NRG1: variants seen among roughly 807,000 people sequenced by gnomAD.
NRG1 encodes neuregulin 1.
A neutral mutation model predicts 63.8 loss-of-function variants in NRG1; 18 were observed. The ratio of observed to expected loss-of-function variants is 0.28; its 90% CI spans 0.19 to 0.42. NRG1 has a LOEUF of 0.42. Ranked by LOEUF, NRG1 falls within the 10% of genes least tolerant of loss-of-function variation. The pLI is 1.00. For missense variants in NRG1, 762 were observed against 814.7 expected (o/e 0.94, Z 0.79); for synonymous variants, 302 against 301.3 (o/e 1.00, Z -0.02).
chr8:31,675,178 A>G (rs941309613), intron 1 of NRG1, among the ~76,000 whole-genome samples: 4 of 152,206 alleles, frequency 2.6e-5, no homozygotes, highest in African/African-American at 7.2e-5. Context: ...CCCCATCTCT[A>G]TTAAAAATAC....
chr8:32,409,590 G>A (rs1175865471), intron 1 of NRG1, among the ~76,000 whole-genome samples: 1 of 152,146 alleles, frequency 6.6e-6, no homozygotes, highest in Non-Finnish European at 1.5e-5. Flanking sequence ...CCAACACCCA[G>A]GATTCCAGTG....
chr8:32,039,525 G>C (rs938480702), intron 1 of NRG1, among the ~76,000 whole-genome samples: 1 of 152,194 alleles, frequency 6.6e-6, no homozygotes, highest in Non-Finnish European at 1.5e-5. Context: ...TATAGTAAAT[G>C]TGAATGTTTA....
chr8:32,356,838 G>C (rs969677990), intron 1 of NRG1, among the ~76,000 whole-genome samples: 6 of 151,858 alleles, frequency 4.0e-5, no homozygotes, highest in Non-Finnish European at 7.4e-5. Flanking sequence ...AAAATGAAGA[G>C]ACTAAAACCT....
intron 1 of NRG1, among the ~76,000 whole-genome samples, chr8:32,324,086 A>C (rs2129477014): frequency 7.5e-6 from 1 of 133,664 alleles, no homozygotes; most frequent in East Asian, 2.6e-4. Context: ...TTTTCATCAA[A>C]GCCCTCAAAA....
intron 1 of NRG1, among the ~76,000 whole-genome samples, chr8:32,465,373 TCTC>T (rs1202439827): frequency 6.6e-6 from 1 of 152,142 alleles, no homozygotes; most frequent in Non-Finnish European, 1.5e-5. Context: ...AGGAACAGGG[TCTC>T]CTGCTGTGTC....
At chr8:31,694,350 T>A (rs1298222335) in intron 1 of NRG1, among the ~76,000 whole-genome samples, 5 of 152,330 alleles carry the variant, frequency 3.3e-5, no homozygotes, top group African/African-American at 1.2e-4. Flanking sequence ...CCCTTCTCTG[T>A]GTCTAGAGAA....
chr8:31,739,458 GC>G lies in NRG1; in HGVS notation c.37+100028del, dbSNP rs573609393. ...AGGTTATTTTGCTAAGTGGTTCCGA[GC>G]TAATTTTATTACTTTTTTGATGGTA... On this transcript the variant is annotated intron_variant, in intron 1 of 10. Coordinates refer to the NRG1 transcript ENST00000519301. Among the ~76,000 whole-genome samples, 189 of 152,142 alleles carry G rather than the reference GC, an allele frequency of 1.2e-3. No homozygotes were observed. The Middle Eastern group carries it at 0.014, about 11-fold the overall frequency.
At chr8:32,590,487 T>A (rs184789815) in intron 1 of NRG1, among the ~76,000 whole-genome samples, 3 of 152,334 alleles carry the variant, frequency 2.0e-5, no homozygotes, top group Admixed American at 2.0e-4. Context: ...AACTAATTTT[T>A]AATTAACAGA....
intron 1 of NRG1, among the ~76,000 whole-genome samples, chr8:32,122,440 C>T (rs1833567436): frequency 6.6e-6 from 1 of 151,860 alleles, no homozygotes; most frequent in African/African-American, 2.4e-5. Context: ...TATAGTCTCC[C>T]CAATATATTC....
chr8:32,412,423 CATATATAT>C (rs1178545836), intron 1 of NRG1, among the ~76,000 whole-genome samples: 36 of 93,000 alleles, frequency 3.9e-4, no homozygotes, highest in South Asian at 7.3e-4. Flanking sequence ...TCTCTCTCTA[CATATATAT>C]ATATATATAT....
intron 1 of NRG1, among the ~76,000 whole-genome samples, chr8:31,750,183 A>G (rs192375325): frequency 6.6e-6 from 1 of 151,882 alleles, no homozygotes; most frequent in Non-Finnish European, 1.5e-5. Flanking sequence ...AGAAAAAAGA[A>G]TGTAATTCGT....
At chr8:32,286,126 G>A (rs138908539) in intron 1 of NRG1, among the ~76,000 whole-genome samples, 67 of 152,274 alleles carry the variant, frequency 4.4e-4, no homozygotes, top group African/African-American at 1.6e-3. Context: ...AGTAAACAAG[G>A]CGCCTCTACC....
intron 1 of NRG1, among the ~76,000 whole-genome samples, chr8:31,879,810 T>C (rs988022594): frequency 3.3e-5 from 5 of 152,178 alleles, no homozygotes; most frequent in African/African-American, 1.2e-4. Flanking sequence ...ACATGCAGTA[T>C]TTGGTTTTCT....
At chr8:31,961,244 T>A (rs1406197127) in intron 1 of NRG1, among the ~76,000 whole-genome samples, 1 of 152,210 alleles carries the variant, frequency 6.6e-6, no homozygotes, top group East Asian at 1.9e-4. Context: ...TGTTCCTTTT[T>A]GAAGGGTTCA....
At position 32,677,846 on chromosome 8, in the gene NRG1, A is replaced by G. The variant is rs142760947; in HGVS notation, c.503-50103A>G. ...TGCCATACCCCCACAAATCGCACTTATAAAGTCAAGAGTAAGCACATTTCT... is the reference window on the plus strand; with the variant it reads ...TGCCATACCCCCACAAATCGCACTTGTAAAGTCAAGAGTAAGCACATTTCT... On this transcript the variant is annotated intron_variant, in intron 5 of 11. Transcript: ENST00000356819. 3.0e-3 allele frequency among the ~76,000 whole-genome samples: 451 copies of G among 152,278 alleles called. 2 individuals are homozygous for G. Among genetic ancestry groups the G allele is most frequent in the Middle Eastern group, 0.01 (3 of 294 alleles).
intron 1 of NRG1, among the ~76,000 whole-genome samples, chr8:31,720,539 C>A (rs893497871): frequency 3.3e-5 from 5 of 152,174 alleles, no homozygotes; most frequent in Non-Finnish European, 7.3e-5. Flanking sequence ...CACCACGTGT[C>A]CATGTGTTCT....
intron 1 of NRG1, among the ~76,000 whole-genome samples, chr8:31,706,345 A>G (rs1811151231): frequency 6.6e-6 from 1 of 152,146 alleles, no homozygotes; most frequent in South Asian, 2.1e-4. Context: ...CTTGCTTAAC[A>G]TAATATAGAG....
chr8:32,341,597 G>T (rs568419317), intron 1 of NRG1, among the ~76,000 whole-genome samples: 1 of 152,258 alleles, frequency 6.6e-6, no homozygotes, highest in Admixed American at 6.5e-5. Context: ...CCTAACTCCT[G>T]CCTAGTTGCC....
chr8:32,033,790 A>G (rs1478982494), intron 1 of NRG1, among the ~76,000 whole-genome samples: 1 of 152,150 alleles, frequency 6.6e-6, no homozygotes, highest in African/African-American at 2.4e-5. Flanking sequence ...ACTTTTGCAC[A>G]TTGATTTTGT....
Sources: gnomAD v4.1 joint callset for allele counts (sites outside exome capture counted in the v4.1 genomes callset) on GRCh38, gnomAD v4.1.1 for gene constraint, MANE v1.5 for transcripts, NCBI Gene and HGNC (gene_info 2026-07-23, HGNC 2026-07-21) for gene names.